Variants in HEATR6 observed in about 807,000 individuals in gnomAD.
HEATR6 encodes HEAT repeat containing 6, also known as HEAT repeat-containing protein 6.
In HEATR6, 106 loss-of-function variants were observed where a neutral mutation model predicts 132.8. The ratio of observed to expected loss-of-function variants is 0.80; its 90% CI spans 0.68 to 0.94. HEATR6 has a LOEUF of 0.94. Ranked by LOEUF, HEATR6 falls within the 40% of genes least tolerant of loss-of-function variation. HEATR6 has a pLI of 0.00. For synonymous variants in HEATR6, 529 were observed against 537.8 expected (o/e 0.98, Z 0.23); for missense variants, 1,339 against 1,425.1 (o/e 0.94, Z 0.97).
At chr17:60,066,179 T>C (rs754630137) in intron 9 of HEATR6, 30 bp downstream of exon 9, 5 of 1,572,118 alleles carry the variant, frequency 3.2e-6, no homozygotes, top group Non-Finnish European at 4.4e-6. Flanking sequence ...TTTCTTCCTA[T>C]TATAAAGCTT....
intron 4 of HEATR6, 75 bp downstream of exon 4, chr17:60,073,089 C>A: frequency 1.3e-6 from 1 of 788,512 alleles, no homozygotes; most frequent in Non-Finnish European, 2.2e-6. Context: ...GCTTCAGGCA[C>A]AGGGAACTAC....
In HEATR6 at chr17:60,076,227, G is replaced by C; in HGVS notation, c.230C>G (p.Ala77Gly). 6.3e-7 allele frequency: 1 copy of C among 1,598,220 alleles called. No homozygotes were observed. The change falls in exon 2 of 20, where the codon GCT (alanine) becomes GGT (glycine). Residue 77 changes from alanine to glycine, a missense_variant. Transcript: ENST00000184956. ...GSGVAPEDVS[A>G]LLVQACRLVP... The stretch of plus-strand genomic sequence containing the variant: ...CAGTCGGCAAGCCTGGACAAGAAGA[G>C]CACTAACGTCCTACCAAAAAAAAAA...
At chr17:60,049,287 C>T (rs1049118881) in intron 16 of HEATR6, among the ~76,000 whole-genome samples, 1 of 151,570 alleles carries the variant, frequency 6.6e-6, no homozygotes, top group African/African-American at 2.4e-5. Context: ...TACCACCATG[C>T]CTGGCTAATT....
chr17:60,078,594 A>T lies in HEATR6; in HGVS notation c.219+102T>A, dbSNP rs545777250. ...CACGCCATCCTGAAACTAAATCATC[A>T]GGCGCGAGAGTGGGAAGATCAGGGA... On this transcript the variant is annotated intron_variant, in intron 1 of 19. Transcript: ENST00000184956. The T allele has an allele frequency of 5.0e-5, 44 of 883,420 alleles. No homozygotes were observed. In the East Asian group the frequency reaches 1.0e-3, roughly 20 times the overall value. 54.7% of individuals were successfully genotyped at this position (883,420 alleles called of 1,614,324 possible). A position where few individuals can be genotyped will look rare whatever the true frequency, so the allele number is the denominator to read the frequency against.
intron 11 of HEATR6, among the ~76,000 whole-genome samples, chr17:60,058,506 C>G (rs1481164681): frequency 6.6e-6 from 1 of 152,166 alleles, no homozygotes; most frequent in Non-Finnish European, 1.5e-5. Context: ...CATCTTATTT[C>G]TGCCATGAAT....
chr17:60,049,091 T>C (rs944494023), intron 16 of HEATR6, among the ~76,000 whole-genome samples: 2 of 145,548 alleles, frequency 1.4e-5, no homozygotes, highest in Non-Finnish European at 3.0e-5. Context: ...TAACACTACA[T>C]ATATATATGT....
intron 18 of HEATR6, among the ~76,000 whole-genome samples, 157 bp from the exon 19 acceptor site, chr17:60,046,386 G>A (rs1906367963): frequency 6.6e-6 from 1 of 152,150 alleles, no homozygotes; most frequent in Admixed American, 6.6e-5. Context: ...TGAGCCATCA[G>A]AAATGTGAGG....
intron 1 of HEATR6, among the ~76,000 whole-genome samples, chr17:60,077,142 A>C (rs574926244): frequency 3.4e-4 from 52 of 152,300 alleles, no homozygotes; most frequent in Non-Finnish European, 5.6e-4. Flanking sequence ...ACAACAAATA[A>C]TTAAAATAAG....
chr17:60,048,224 T>C (rs755918514), intron 17 of HEATR6, 40 bp downstream of exon 17: 5 of 1,598,438 alleles, frequency 3.1e-6, no homozygotes, highest in Non-Finnish European at 4.3e-6. Context: ...GGGCCCTCAA[T>C]CTCAGAAGTC....
At chr17:60,074,112 TTGA>T in intron 2 of HEATR6, 1 of 1,248,208 alleles carries the variant, frequency 8.0e-7, no homozygotes, top group East Asian at 3.4e-5. Context: ...AAAGTAGAAC[TTGA>T]TGAAGTCCTT....
At chr17:60,053,533 G>C (rs1253248475) in intron 14 of HEATR6, among the ~76,000 whole-genome samples, 1 of 152,224 alleles carries the variant, frequency 6.6e-6, no homozygotes, top group Non-Finnish European at 1.5e-5. Context: ...AAGACAGGAA[G>C]ACAAAGGAAA....
intron 9 of HEATR6, among the ~76,000 whole-genome samples, chr17:60,065,957 C>T (rs1353563685): frequency 6.6e-6 from 1 of 152,188 alleles, no homozygotes; most frequent in East Asian, 1.9e-4. Flanking sequence ...AAGGGAGACA[C>T]CAAAGTTAGA....
At chr17:60,044,155 C>T (rs755675540) in intron 19 of HEATR6, 21 bp from the exon 20 acceptor site, 2 of 1,575,446 alleles carry the variant, frequency 1.3e-6, no homozygotes, top group Non-Finnish European at 1.7e-6. Context: ...TCCACAGTCA[C>T]TAAAACAAAT....
In HEATR6 at chr17:60,059,875, C is replaced by A. The variant is rs748095760; in HGVS notation, c.1623+15G>T. On this transcript the variant is annotated intron_variant, in intron 10 of 19. Transcript: ENST00000184956. Reference sequence around the variant, plus strand: ...ACAGAGAAGCCTGCTCTGGAACCCACAGTTGGTACATTACCTTAATTATCT... The same window carrying A: ...ACAGAGAAGCCTGCTCTGGAACCCAAAGTTGGTACATTACCTTAATTATCT... The A allele has an allele frequency of 5.0e-6, 8 of 1,601,478 alleles. No individual in the cohort carries two copies. The highest frequency in any genetic ancestry group is 6.8e-6 in the Non-Finnish European group (8 of 1,168,818).
chr17:60,046,496 G>A (rs1409905018), intron 18 of HEATR6, among the ~76,000 whole-genome samples: 1 of 152,114 alleles, frequency 6.6e-6, no homozygotes, highest in Non-Finnish European at 1.5e-5. Flanking sequence ...CTGAGATGGA[G>A]TATAAGGACC....
chr17:60,048,919 G>A (rs1472067059), intron 16 of HEATR6, among the ~76,000 whole-genome samples: 1 of 145,956 alleles, frequency 6.9e-6, no homozygotes, highest in Non-Finnish European at 1.5e-5. Context: ...CATTTATTGG[G>A]TGCCTAAGGT....
chr17:60,052,294 A>G (rs577113626), intron 14 of HEATR6, among the ~76,000 whole-genome samples: 1 of 152,390 alleles, frequency 6.6e-6, no homozygotes, highest in South Asian at 2.1e-4. Flanking sequence ...GAACTAAGCC[A>G]GAATCACTCA....
At chr17:60,045,267 C>T (rs1250617613) in intron 19 of HEATR6, among the ~76,000 whole-genome samples, 11 of 152,214 alleles carry the variant, frequency 7.2e-5, no homozygotes, top group Admixed American at 7.2e-4. Flanking sequence ...TGCCTGGACG[C>T]TCTGGGCAAT....
chr17:60,059,374 T>C (rs1287372257), intron 11 of HEATR6, 48 bp downstream of exon 11: 1 of 1,038,678 alleles, frequency 9.6e-7, no homozygotes, highest in East Asian at 2.4e-5. Flanking sequence ...ACTAATAGTC[T>C]GCATCTGACT....
Sources: allele counts gnomAD v4.1 joint callset (sites outside exome capture counted in the v4.1 genomes callset), GRCh38; gene constraint gnomAD v4.1.1; transcripts MANE v1.5; gene names NCBI Gene and HGNC (gene_info 2026-07-23, HGNC 2026-07-21).